The following SLC44A5 variants were observed in gnomAD, a reference collection of about 807,000 sequenced individuals.
SLC44A5 encodes the protein solute carrier family 44 member 5.
SLC44A5 carries 57 observed loss-of-function variants against 101.8 expected under a neutral mutation model. The ratio of observed to expected loss-of-function variants is 0.56; its 90% CI spans 0.45 to 0.70. SLC44A5 has a LOEUF of 0.70. Ranked by LOEUF, SLC44A5 falls within the 30% of genes least tolerant of loss-of-function variation. The pLI, the probability that SLC44A5 is intolerant of heterozygous loss-of-function variation, is 0.00. For missense variants in SLC44A5, 737 were observed against 853.1 expected (o/e 0.86, Z 1.70); for synonymous variants, 281 against 290.9 (o/e 0.97, Z 0.35).
chr1:75,584,949 G>A (rs955272225), intron 1 of SLC44A5, among the ~76,000 whole-genome samples: 4 of 152,090 alleles, frequency 2.6e-5, no homozygotes, highest in African/African-American at 9.7e-5. Context: ...AATTAATCCT[G>A]CAAATAACAC....
chr1:75,636,993 C>G, the SLC44A5 span, among the ~76,000 whole-genome samples: 1 of 151,970 alleles, frequency 6.6e-6, no homozygotes, highest in Non-Finnish European at 1.5e-5. Flanking sequence ...AATTATTAAT[C>G]CAGACCTGCA....
rs776376536 is a variant in SLC44A5, at chr1:75,597,939, A to G, written c.-70+13101T>C. Among the ~76,000 whole-genome samples the G allele has an allele frequency of 2.4e-4, 36 of 152,178 alleles. 1 individual carries two copies. The highest frequency in any genetic ancestry group is 2.8e-4 in the Non-Finnish European group (19 of 68,020). ...TGCAACAAAAGAAAAAAATTGACAA[A>G]TGGGATCTGATTAAACTAAAGAGCT... On this transcript the variant is annotated intron_variant, in intron 1 of 23. Transcript: ENST00000370859.
chr1:75,340,121 G>T (rs939934521), intron 3 of SLC44A5, among the ~76,000 whole-genome samples: 10 of 152,086 alleles, frequency 6.6e-5, no homozygotes, highest in African/African-American at 2.4e-4. Context: ...TGGCTGTATG[G>T]TACATAAAAA....
At chr1:75,374,484 A>G (rs1024014854) in intron 3 of SLC44A5, among the ~76,000 whole-genome samples, 2 of 152,232 alleles carry the variant, frequency 1.3e-5, no homozygotes, top group African/African-American at 4.8e-5. Context: ...AAGGAAATGC[A>G]GGCGTGATGC....
At chr1:75,280,382 A>G (rs865785433) in intron 5 of SLC44A5, among the ~76,000 whole-genome samples, 47 of 94,248 alleles carry the variant, frequency 5.0e-4, no homozygotes, top group Non-Finnish European at 7.5e-4. Context: ...TATATATAAT[A>G]TATATATTGT....
intron 3 of SLC44A5, among the ~76,000 whole-genome samples, chr1:75,364,407 A>C (rs1659713699): frequency 1.3e-5 from 2 of 152,164 alleles, no homozygotes; most frequent in South Asian, 4.1e-4. Context: ...TTGTTGCTAC[A>C]CACTTTTAAA....
chr1:75,398,533 T>A (rs1417402136), intron 2 of SLC44A5: 1 of 266,732 alleles, frequency 3.7e-6, no homozygotes, highest in Non-Finnish European at 5.8e-6. Context: ...ATTTTACACT[T>A]GAGAATACTG....
chr1:75,678,105 G>C, the SLC44A5 span, among the ~76,000 whole-genome samples: 1 of 152,076 alleles, frequency 6.6e-6, no homozygotes, highest in East Asian at 1.9e-4. Context: ...CTGGCTCGGA[G>C]GGTCCTACCC....
the SLC44A5 span, among the ~76,000 whole-genome samples, chr1:75,698,298 G>A: frequency 0.044 from 6,711 of 152,250 alleles, 203 homozygotes; most frequent in African/African-American, 0.092. Flanking sequence ...GTACGCAGCT[G>A]GAGATCTGAG....
chr1:75,654,811 A>G, the SLC44A5 span, among the ~76,000 whole-genome samples: 1 of 152,036 alleles, frequency 6.6e-6, no homozygotes, highest in African/African-American at 2.4e-5. Flanking sequence ...ATAAAAGACA[A>G]TTTTATTATT....
intron 4 of SLC44A5, among the ~76,000 whole-genome samples, chr1:75,323,702 C>T (rs878895315): frequency 5.3e-5 from 8 of 152,254 alleles, no homozygotes; most frequent in Admixed American, 2.6e-4. Context: ...AAATATGTTT[C>T]GCTAATTCTT....
chr1:75,329,213 A>G (rs567521230), intron 4 of SLC44A5, among the ~76,000 whole-genome samples: 93 of 152,282 alleles, frequency 6.1e-4, no homozygotes, highest in African/African-American at 2.2e-3. Context: ...GCTTTGTTGG[A>G]CCTAGCAGTT....
At chr1:75,684,565 G>C in the SLC44A5 span, among the ~76,000 whole-genome samples, 1 of 152,104 alleles carries the variant, frequency 6.6e-6, no homozygotes, top group African/African-American at 2.4e-5. Flanking sequence ...CCAAAATAAA[G>C]GAGCTACAGG....
chr1:75,214,796 A>T, intron 19 of SLC44A5, 118 bp from the exon 20 acceptor site: 1 of 739,148 alleles, frequency 1.4e-6, no homozygotes, highest in Non-Finnish European at 2.2e-6. Flanking sequence ...AGCTATCTCC[A>T]CTCTTTTTTC....
At chr1:75,472,191 G>A (rs999266407) in intron 2 of SLC44A5, among the ~76,000 whole-genome samples, 5 of 151,920 alleles carry the variant, frequency 3.3e-5, no homozygotes, top group African/African-American at 1.2e-4. Context: ...GAATAAAAAG[G>A]CTTCATGGAA....
chr1:75,204,119 C>T (rs1400879111), intron 23 of SLC44A5, among the ~76,000 whole-genome samples: 1 of 152,070 alleles, frequency 6.6e-6, no homozygotes, highest in Non-Finnish European at 1.5e-5. Context: ...GAGAAAATAA[C>T]TTTCACCTTC....
chr1:75,250,797 C>G (rs1442727612), intron 7 of SLC44A5, among the ~76,000 whole-genome samples: 1 of 152,060 alleles, frequency 6.6e-6, no homozygotes, highest in Non-Finnish European at 1.5e-5. Flanking sequence ...ACCTACTGAC[C>G]ACAGACACCT....
intron 1 of SLC44A5, chr1:75,582,457 A>C: frequency 1.6e-6 from 1 of 634,306 alleles, no homozygotes; most frequent in Non-Finnish European, 2.8e-6. Context: ...TGTGTGGGCC[A>C]AAGGCCAAGA....
intron 2 of SLC44A5, among the ~76,000 whole-genome samples, chr1:75,399,480 A>T (rs968281665): frequency 6.6e-6 from 1 of 152,212 alleles, no homozygotes; most frequent in African/African-American, 2.4e-5. Context: ...GAGTGTGCTA[A>T]TCAGAAGAGA....
Sources: gnomAD v4.1 joint callset for allele counts (sites outside exome capture counted in the v4.1 genomes callset) on GRCh38, gnomAD v4.1.1 for gene constraint, MANE v1.5 for transcripts, NCBI Gene and HGNC (gene_info 2026-07-23, HGNC 2026-07-21) for gene names.